The following NCKAP1 variants were observed in gnomAD, a reference collection of about 807,000 sequenced individuals.
The protein encoded by NCKAP1 is NCK associated protein 1.
In NCKAP1, 21 loss-of-function variants were observed where a neutral mutation model predicts 151.2. The ratio of observed to expected loss-of-function variants is 0.14; its 90% CI spans 0.10 to 0.20. NCKAP1 has a LOEUF of 0.20. Ranked by LOEUF, NCKAP1 falls within the 10% of genes least tolerant of loss-of-function variation. NCKAP1 has a pLI of 1.00. For missense variants in NCKAP1, 933 were observed against 1,352.1 expected (o/e 0.69, Z 4.86); for synonymous variants, 484 against 451.8 (o/e 1.07, Z -0.90).
chr2:183,035,878 A>G (rs1254516930), intron 1 of NCKAP1, among the ~76,000 whole-genome samples: 3 of 151,742 alleles, frequency 2.0e-5, no homozygotes, highest in African/African-American at 7.3e-5. Flanking sequence ...GAAGGCCTCG[A>G]GTATCAGATA....
chr2:182,940,088 G>C lies in NCKAP1; in HGVS notation c.2695+1982C>G, dbSNP rs1696964689. 2.6e-5 allele frequency among the ~76,000 whole-genome samples: 4 copies of C among 152,220 alleles called. No individual in the cohort carries two copies. The South Asian group carries it at 8.3e-4, about 32-fold the overall frequency. The stretch of plus-strand genomic sequence containing the variant: ...TCCATTGTTTCAATTCCACAAATGA[G>C]AGTTAAATAAAGTACTGAACACTGC... On this transcript the variant is annotated intron_variant, in intron 24 of 30. Transcript: ENST00000361354.
intron 1 of NCKAP1, 81 bp downstream of exon 1, chr2:183,037,911 C>A: frequency 9.0e-7 from 1 of 1,116,308 alleles, no homozygotes; most frequent in South Asian, 1.7e-5. Context: ...CCTCCTGCCG[C>A]CCCCACCCCA....
Position 182,995,798 on chromosome 2 carries a change from G to A in NCKAP1, c.644C>T (p.Pro215Leu). ...CTGGTCAGCTGAAAGATTCCTTCGA[G>A]GATATACCATTTGAAGAGAAATTAG... is the stretch of plus-strand genomic sequence containing the variant. ...DALISLQMVY[P>L]RRNLSADQWR... Residue 215 changes from proline to leucine, a missense_variant, in exon 7 of 31, where the codon CCT (proline) becomes CTT (leucine). Transcript: ENST00000361354. 6.2e-7 allele frequency: 1 copy of A among 1,612,242 alleles called. No individual in the cohort carries two copies. Among genetic ancestry groups the A allele is most frequent in the Non-Finnish European group, 8.5e-7 (1 of 1,178,452 alleles).
chr2:182,991,995 T>A (rs921638401), intron 8 of NCKAP1, among the ~76,000 whole-genome samples: 1 of 152,196 alleles, frequency 6.6e-6, no homozygotes, highest in African/African-American at 2.4e-5. Context: ...TCTTAAACTT[T>A]AGCTTGCACC....
chr2:182,966,538 C>T (rs536682715), intron 16 of NCKAP1, among the ~76,000 whole-genome samples: 44 of 152,292 alleles, frequency 2.9e-4, no homozygotes, highest in African/African-American at 1.0e-3. Flanking sequence ...TCACCCACCT[C>T]GGCCTCCCAA....
rs946315826 is a variant in NCKAP1 at position 182,924,789 on chromosome 2, T to C, written c.*913A>G. 1 of 152,170 alleles carries C rather than the reference T, an allele frequency of 6.6e-6. No individual in the cohort carries two copies. The highest frequency in any genetic ancestry group is 2.4e-5 in the African/African-American group (1 of 41,448). 9.4% of individuals were successfully genotyped at this position (152,170 alleles called of 1,614,324 possible). On this transcript the variant is annotated 3_prime_UTR_variant, in exon 31 of 31. Transcript: ENST00000361354. The stretch of plus-strand genomic sequence containing the variant: ...TGGTATCGAATGCTGTACTTAGACA[T>C]TCCTAAACCATTATTTTTTATATTT...
rs187030400 is a variant in NCKAP1, at chr2:182,914,653, A to G, written c.*11049T>C. On this transcript the variant is annotated 3_prime_UTR_variant, in exon 31 of 31. Coordinates refer to ENST00000361354, the MANE Select transcript of NCKAP1 (RefSeq NM_013436.5). ...TCCCTTTAAAACTTAAGTCACTTAG[A>G]ATGACATGAGGGGTTCTATTACTAA... 1 of 152,168 alleles carries G rather than the reference A, an allele frequency of 6.6e-6. No homozygotes were observed. The highest frequency in any genetic ancestry group is 2.4e-5 in the African/African-American group (1 of 41,442). 9.4% of individuals were successfully genotyped at this position (152,168 alleles called of 1,614,324 possible).
At position 182,914,140 on chromosome 2, in the gene NCKAP1, T is replaced by C. The variant is rs1285921960; in HGVS notation, c.*11562A>G. The C allele has an allele frequency of 2.0e-5, 3 of 152,240 alleles. No homozygotes were observed. Among genetic ancestry groups the C allele is most frequent in the Non-Finnish European group, 4.4e-5 (3 of 68,050 alleles). The allele number at this position is 152,240 out of a possible 1,614,324, so 9.4% of individuals were successfully genotyped here. A position where few individuals can be genotyped will look rare whatever the true frequency, so the allele number is the denominator to read the frequency against. ...CAGTATCTCCCCTTAAATGAAGTTA[T>C]AGTTAGGGCAGGTAATCGTAGACAA... On this transcript the variant is annotated 3_prime_UTR_variant, in exon 31 of 31. Coordinates refer to ENST00000361354, the MANE Select transcript of NCKAP1 (RefSeq NM_013436.5).
chr2:182,917,522 T>C lies in NCKAP1; in HGVS notation c.*8180A>G, dbSNP rs929215796. 7.9e-5 allele frequency: 12 copies of C among 152,228 alleles called. No homozygotes were observed. Among genetic ancestry groups the C allele is most frequent in the African/African-American group, 2.7e-4 (11 of 41,472 alleles). The allele number at this position is 152,228 out of a possible 1,614,324, so 9.4% of individuals were successfully genotyped here. Reference sequence around the variant, plus strand: ...CTAAAATGCTCCATCATTACAATCATTGATACATAATAGGTTGCCCATTCA... The same window carrying C: ...CTAAAATGCTCCATCATTACAATCACTGATACATAATAGGTTGCCCATTCA... On this transcript the variant is annotated 3_prime_UTR_variant, in exon 31 of 31. Coordinates refer to ENST00000361354, the MANE Select transcript of NCKAP1 (RefSeq NM_013436.5).
rs556221113 is a variant in NCKAP1 at position 183,032,239 on chromosome 2, T to C, written c.108+5753A>G. ...AAACTAAAAAAAAAGTATCAGAGCA[T>C]TATCTAGAATCTAGCTCTCTCAACT... On this transcript the variant is annotated intron_variant, in intron 1 of 30. Coordinates refer to ENST00000361354, the MANE Select transcript of NCKAP1 (RefSeq NM_013436.5). 4.6e-5 allele frequency among the ~76,000 whole-genome samples: 7 copies of C among 152,332 alleles called. No individual in the cohort carries two copies. In the South Asian group the frequency reaches 6.2e-4, roughly 14 times the overall value.
chr2:183,014,593 T>C (rs1209909507), intron 2 of NCKAP1, among the ~76,000 whole-genome samples: 3 of 152,196 alleles, frequency 2.0e-5, no homozygotes, highest in African/African-American at 7.2e-5. Flanking sequence ...AATGTACCTA[T>C]TTAAAATATT....
At chr2:183,027,018 T>C (rs1051399357) in intron 1 of NCKAP1, among the ~76,000 whole-genome samples, 1 of 152,160 alleles carries the variant, frequency 6.6e-6, no homozygotes, top group African/African-American at 2.4e-5. Flanking sequence ...AATCAAATAT[T>C]TCCTTTATTC....
At chr2:182,988,965 TTCAGTAAAGATAAC>T in intron 9 of NCKAP1, 51 bp downstream of exon 9, 3 of 1,436,012 alleles carry the variant, frequency 2.1e-6, no homozygotes, top group Non-Finnish European at 2.9e-6. Flanking sequence ...TCCCCAAAAC[TTCAGTAAAGATAAC>T]TCACTCACCA....
At chr2:182,954,956 C>G (rs1018142338) in intron 20 of NCKAP1, among the ~76,000 whole-genome samples, 17 of 152,210 alleles carry the variant, frequency 1.1e-4, no homozygotes, top group Admixed American at 1.0e-3. Flanking sequence ...GAGCTGTACA[C>G]TGAACTCTCC....
intron 1 of NCKAP1, among the ~76,000 whole-genome samples, chr2:183,035,296 C>A (rs550227294): frequency 2.6e-4 from 39 of 149,042 alleles, no homozygotes; most frequent in African/African-American, 9.3e-4. Context: ...AAAAAAAAAA[C>A]ATTCTTCAGT....
intron 20 of NCKAP1, among the ~76,000 whole-genome samples, chr2:182,953,990 T>A (rs2105823893): frequency 6.6e-6 from 1 of 152,324 alleles, no homozygotes; most frequent in African/African-American, 2.4e-5. Context: ...TTGACACTGT[T>A]AGGTGCCAGT....
intron 2 of NCKAP1, among the ~76,000 whole-genome samples, chr2:183,010,919 A>G (rs1009471538): frequency 6.6e-6 from 1 of 152,230 alleles, no homozygotes; most frequent in African/African-American, 2.4e-5. Flanking sequence ...TATGTGATTA[A>G]CTTACTTTCA....
At chr2:182,932,745 G>T (rs762325673) in intron 26 of NCKAP1, among the ~76,000 whole-genome samples, 2 of 151,922 alleles carry the variant, frequency 1.3e-5, no homozygotes, top group Non-Finnish European at 2.9e-5. Context: ...GTGAATGGTT[G>T]CTCAGAATAT....
At chr2:182,993,495 A>G (rs1698208326) in intron 8 of NCKAP1, among the ~76,000 whole-genome samples, 1 of 152,198 alleles carries the variant, frequency 6.6e-6, no homozygotes, top group South Asian at 2.1e-4. Context: ...TATATTACAG[A>G]AATTCTCATT....
Sources: gnomAD v4.1 joint callset for allele counts (sites outside exome capture counted in the v4.1 genomes callset) on GRCh38, gnomAD v4.1.1 for gene constraint, MANE v1.5 for transcripts, NCBI Gene and HGNC (gene_info 2026-07-23, HGNC 2026-07-21) for gene names.